The following DMD variants were observed in gnomAD, a reference collection of about 807,000 sequenced individuals.
DMD encodes the protein mutant dystrophin.
Under a neutral mutation model 330.1 loss-of-function variants are expected in DMD, and 63 were observed. The ratio of observed to expected loss-of-function variants is 0.19; its 90% CI spans 0.16 to 0.24. The LOEUF is 0.24. Ranked by LOEUF, DMD falls within the 10% of genes least tolerant of loss-of-function variation. The probability of loss-of-function intolerance (pLI) is 1.00; values close to 1 mark genes in which losing one functional copy is unlikely to be tolerated. For synonymous variants in DMD, 1,223 were observed against 959.8 expected (o/e 1.27, Z -5.07); for missense variants, 3,344 against 2,684.1 (o/e 1.25, Z -5.43).
rs6628697 is a variant in DMD at position 32,279,709 on chromosome X, G to T, written c.6290+7820C>A. On this transcript the variant is annotated intron_variant, in intron 43 of 78. Coordinates refer to ENST00000357033, the MANE Select transcript of DMD (RefSeq NM_004006.3). ...AGGGGGAGGTTGAAATGGTTACTTG[G>T]TACAAAAAATAGTTAGAAAGAATGA... Among the ~76,000 whole-genome samples, 2,140 of 108,487 alleles carry T rather than the reference G, an allele frequency of 0.02. 121 individuals carry two copies. The East Asian group carries it at 0.28, about 14-fold the overall frequency. The allele number at this position is 108,487 out of a possible 115,157, so 94.2% of individuals were successfully genotyped here.
chrX:32,869,935 A>G (rs1290824233), intron 2 of DMD, among the ~76,000 whole-genome samples: 2 of 109,528 alleles, frequency 1.8e-5, no homozygotes, highest in Non-Finnish European at 3.8e-5. Context: ...TACCATTCCT[A>G]TTCAACACTG....
chrX:32,954,400 G>A (rs2091448037), intron 2 of DMD, among the ~76,000 whole-genome samples: 1 of 111,739 alleles, frequency 8.9e-6, no homozygotes. Flanking sequence ...AGTGGTGGTG[G>A]TGGGCATCCA....
intron 15 of DMD, among the ~76,000 whole-genome samples, chrX:32,569,254 C>A (rs1467589221): frequency 9.0e-6 from 1 of 111,559 alleles, no homozygotes; most frequent in African/African-American, 3.3e-5. Flanking sequence ...CCCAGGAAAC[C>A]TTCACCTCAC....
chrX:32,786,086 AGT>A (rs368269067), intron 7 of DMD, among the ~76,000 whole-genome samples: 8,724 of 96,115 alleles, frequency 0.091, 308 homozygotes, highest in African/African-American at 0.11. Context: ...GAGGAATAAG[AGT>A]GTGTGTGTGT....
intron 18 of DMD, among the ~76,000 whole-genome samples, chrX:32,508,055 G>A (rs1031230302): frequency 9.1e-6 from 1 of 110,292 alleles, no homozygotes. Context: ...GATGTATTAG[G>A]GATGTTCAAC....
intron 55 of DMD, among the ~76,000 whole-genome samples, chrX:31,567,380 G>A (rs2075526218): frequency 1.8e-5 from 2 of 110,807 alleles, no homozygotes; most frequent in Admixed American, 1.9e-4. Context: ...TTAAGATGTG[G>A]AAGTTATCCT....
intron 44 of DMD, among the ~76,000 whole-genome samples, chrX:32,009,972 G>A (rs2095693434): frequency 9.0e-6 from 1 of 111,717 alleles, no homozygotes; most frequent in African/African-American, 3.3e-5. Context: ...ATTCCTTCAT[G>A]TACCAATTGT....
chrX:33,076,956 A>T (rs912173901), intron 1 of DMD, among the ~76,000 whole-genome samples: 1 of 111,139 alleles, frequency 9.0e-6, no homozygotes, highest in African/African-American at 3.3e-5. Flanking sequence ...GTGAGCCAGG[A>T]GTGCTGACTG....
intron 55 of DMD, among the ~76,000 whole-genome samples, chrX:31,555,543 T>A (rs1367744756): frequency 1.8e-5 from 2 of 112,157 alleles, no homozygotes; most frequent in Non-Finnish European, 3.8e-5. Flanking sequence ...CCATAGGTGA[T>A]ACCTATTCCA....
chrX:32,915,876 G>A (rs1032826033), intron 2 of DMD, among the ~76,000 whole-genome samples: 2 of 111,396 alleles, frequency 1.8e-5, no homozygotes, highest in Non-Finnish European at 3.8e-5. Context: ...TAAACTTCAT[G>A]GGTATTTTGT....
At chrX:31,507,783 G>T (rs947024243) in intron 55 of DMD, among the ~76,000 whole-genome samples, 1 of 111,965 alleles carries the variant, frequency 8.9e-6, no homozygotes, top group Non-Finnish European at 1.9e-5. Context: ...TTTTATGGAA[G>T]TGATAGGCAA....
chrX:32,239,861 T>C (rs776710320), intron 43 of DMD, among the ~76,000 whole-genome samples: 54 of 112,207 alleles, frequency 4.8e-4, no homozygotes, highest in Middle Eastern at 4.7e-3. Flanking sequence ...TATAGTCTCT[T>C]GTTCTTTCTT....
chrX:31,662,082 T>G (rs757160730), intron 53 of DMD, among the ~76,000 whole-genome samples: 4 of 112,034 alleles, frequency 3.6e-5, no homozygotes, highest in Non-Finnish European at 7.5e-5. Flanking sequence ...ACAATGAGCC[T>G]GCTGGGTTTG....
At chrX:33,165,824 T>C (rs2049023907) in intron 1 of DMD, among the ~76,000 whole-genome samples, 1 of 110,731 alleles carries the variant, frequency 9.0e-6, no homozygotes. Context: ...AAGGTAATAA[T>C]AGCACAAAAA....
intron 56 of DMD, among the ~76,000 whole-genome samples, chrX:31,503,971 G>C (rs2070683418): frequency 9.0e-6 from 1 of 111,167 alleles, no homozygotes; most frequent in African/African-American, 3.3e-5. Flanking sequence ...AACTTCATTA[G>C]AGCAGTGATT....
rs146020545 is a variant in DMD at position 31,658,098 on chromosome X, G to C, written c.7919C>G (p.Ala2640Gly). Residue 2640 changes from alanine to glycine, a missense_variant, in exon 54 of 79, where the codon GCA becomes GGA. Ala to Gly is a moderately conservative substitution (Grantham distance 60, BLOSUM62 0). Coordinates refer to ENST00000357033, the MANE Select transcript of DMD (RefSeq NM_004006.3). The stretch of plus-strand genomic sequence containing the variant: ...GAGAAGTTTCAGGGCCAAGTCATTT[G>C]CCACATCTACATTTGTCTGCCACTG... ...LRQWQTNVDV[A>G]NDLALKLLRD... is the part of the protein sequence containing the mutation. 94 of 1,210,015 alleles carry C rather than the reference G, an allele frequency of 7.8e-5. No homozygotes were observed. The highest frequency in any genetic ancestry group is 1.0e-4 in the Non-Finnish European group (90 of 895,029).
chrX:31,638,019 T>C (rs980845013), intron 54 of DMD, among the ~76,000 whole-genome samples: 8 of 111,722 alleles, frequency 7.2e-5, no homozygotes, highest in African/African-American at 9.7e-5. Flanking sequence ...GGCAACACAT[T>C]GTATTTAGCT....
Position 31,845,421 on chromosome X carries a change from CTCT to C in DMD, c.7099-8605_7099-8603del, listed in dbSNP as rs1382352607. 3.4e-3 allele frequency among the ~76,000 whole-genome samples: 336 copies of C among 97,634 alleles called. 1 individual carries two copies. Among genetic ancestry groups the C allele is most frequent in the Non-Finnish European group, 5.4e-3 (266 of 49,330 alleles). The allele number at this position is 97,634 out of a possible 115,157, so 84.8% of individuals were successfully genotyped here. A position where few individuals can be genotyped will look rare whatever the true frequency, so the allele number is the denominator to read the frequency against. On this transcript the variant is annotated intron_variant, in intron 48 of 78. Coordinates refer to ENST00000357033, the MANE Select transcript of DMD (RefSeq NM_004006.3). Reference sequence around the variant, plus strand: ...TCTCTCTCTCTCTCTCTCTCTCTCTCTCTCCCTCTCCTCCCGTCCCTCTCTTTC... The same window carrying C: ...TCTCTCTCTCTCTCTCTCTCTCTCTCCCCTCTCCTCCCGTCCCTCTCTTTC...
intron 55 of DMD, among the ~76,000 whole-genome samples, chrX:31,603,409 A>C (rs751024036): frequency 6.3e-5 from 7 of 111,771 alleles, no homozygotes; most frequent in Non-Finnish European, 1.3e-4. Flanking sequence ...GATGATTAGA[A>C]AGTTGTCAAA....
Sources: allele counts gnomAD v4.1 joint callset (sites outside exome capture counted in the v4.1 genomes callset), GRCh38; gene constraint gnomAD v4.1.1; transcripts MANE v1.5; gene names NCBI Gene and HGNC (gene_info 2026-07-23, HGNC 2026-07-21).